Variants in ABCA12 observed in about 807,000 individuals in gnomAD.
The protein encoded by ABCA12 is glucosylceramide transporter ABCA12.
A neutral mutation model predicts 293.5 loss-of-function variants in ABCA12; 156 were observed. That is an observed-to-expected ratio of 0.53 (90% CI 0.47 to 0.61). ABCA12 has a LOEUF of 0.61. Among genes scored for constraint, ABCA12 ranks in the 20% least tolerant of loss-of-function variants. The probability of loss-of-function intolerance (pLI) is 0.00; values close to 1 mark genes in which losing one functional copy is unlikely to be tolerated. For synonymous variants in ABCA12, 1,063 were observed against 1,108.0 expected, an observed-to-expected ratio of 0.96 and a Z score of 0.81; for missense variants, 2,797 against 3,090.2, an observed-to-expected ratio of 0.91 and a Z score of 2.25.
At chr2:215,115,652 T>C (rs1186845528) in intron 1 of ABCA12, among the ~76,000 whole-genome samples, 1 of 152,180 alleles carries the variant, frequency 6.6e-6, no homozygotes, top group Non-Finnish European at 1.5e-5. Context: ...TATGATTCCT[T>C]AGTGGGCCAG....
intron 14 of ABCA12, 118 bp downstream of exon 14, chr2:215,017,890 A>G: frequency 6.9e-7 from 1 of 1,446,810 alleles, no homozygotes; most frequent in South Asian, 1.2e-5. Flanking sequence ...ACTTGCATAG[A>G]AAATTCACCA....
At chr2:214,990,282 T>C (rs1199476951) in intron 24 of ABCA12, among the ~76,000 whole-genome samples, 2 of 152,222 alleles carry the variant, frequency 1.3e-5, no homozygotes, top group Non-Finnish European at 2.9e-5. Flanking sequence ...GTTGCTTATA[T>C]GCTGTTGGTG....
At chr2:214,956,191 G>T (rs1244550873) in intron 42 of ABCA12, among the ~76,000 whole-genome samples, 1 of 152,174 alleles carries the variant, frequency 6.6e-6, no homozygotes. Flanking sequence ...GATTATATCA[G>T]CCTGTGTTAC....
At chr2:214,993,883 C>A (rs879642906) in intron 23 of ABCA12, among the ~76,000 whole-genome samples, 2 of 152,146 alleles carry the variant, frequency 1.3e-5, no homozygotes, top group South Asian at 2.1e-4. Context: ...CAGGCTTGAA[C>A]ACCAGGACTA....
intron 46 of ABCA12, 98 bp downstream of exon 46, chr2:214,948,942 A>ATG: frequency 7.9e-7 from 1 of 1,259,918 alleles, no homozygotes; most frequent in East Asian, 2.4e-5. Context: ...CTAAGGACTG[A>ATG]ATAATATAAC....
chr2:215,097,589 G>A (rs993353121), intron 2 of ABCA12, among the ~76,000 whole-genome samples: 9 of 152,272 alleles, frequency 5.9e-5, no homozygotes, highest in African/African-American at 2.2e-4. Flanking sequence ...AATCACGGCT[G>A]TAATACATTG....
chr2:215,028,663 G>C (rs1313887979), intron 9 of ABCA12, among the ~76,000 whole-genome samples: 2 of 152,166 alleles, frequency 1.3e-5, no homozygotes, highest in Non-Finnish European at 2.9e-5. Flanking sequence ...ATCTATTAGG[G>C]AAATTTCTAA....
intron 27 of ABCA12, among the ~76,000 whole-genome samples, chr2:214,986,992 C>G (rs772783972): frequency 6.6e-6 from 1 of 152,010 alleles, no homozygotes; most frequent in South Asian, 2.1e-4. Flanking sequence ...ATAAATTCTC[C>G]TTTATTCAAC....
At position 215,015,493 on chromosome 2, in the gene ABCA12, G is replaced by A. The variant is rs1178765772; in HGVS notation, c.1953C>T (p.Tyr651=). ...TATTTAACCAACAGCAACTTGCCTT[G>A]TATGTGAAGTTGTAAATGTTTAAGT... The part of the protein sequence containing the change: ...LHYLNIYNFT[Y]KVFFPRKDQK... Residue 651 remains tyrosine, a synonymous_variant, in exon 15 of 53, where the codon TAC becomes TAT. Coordinates refer to ENST00000272895, the MANE Select transcript of ABCA12 (RefSeq NM_173076.3). 6.2e-7 allele frequency: 1 copy of A among 1,613,492 alleles called. No homozygotes were observed. The highest frequency in any genetic ancestry group is 8.5e-7 in the Non-Finnish European group (1 of 1,179,580).
chr2:214,970,454 A>C (rs1699363050), intron 36 of ABCA12, 54 bp from the exon 37 acceptor site: 1 of 1,599,800 alleles, frequency 6.3e-7, no homozygotes, highest in Non-Finnish European at 8.6e-7. Context: ...GTGCAAGTTA[A>C]ATAGACAATG....
intron 1 of ABCA12, among the ~76,000 whole-genome samples, chr2:215,129,319 G>A (rs1409571298): frequency 2.0e-5 from 3 of 152,156 alleles, no homozygotes; most frequent in African/African-American, 7.2e-5. Flanking sequence ...GTCTGTGTCT[G>A]ATCTCAGGTC....
At chr2:214,949,638 C>T (rs1275604095) in intron 45 of ABCA12, among the ~76,000 whole-genome samples, 1 of 152,170 alleles carries the variant, frequency 6.6e-6, no homozygotes, top group Non-Finnish European at 1.5e-5. Flanking sequence ...GCCAGATTTG[C>T]TTTCTCTTTT....
chr2:214,978,577 T>C, intron 32 of ABCA12, 111 bp from the exon 33 acceptor site: 5 of 1,364,794 alleles, frequency 3.7e-6, no homozygotes, highest in Non-Finnish European at 5.1e-6. Flanking sequence ...GACAAATTTT[T>C]CCCGTCTGAC....
chr2:215,094,706 A>G (rs528317653), intron 2 of ABCA12, among the ~76,000 whole-genome samples: 176 of 152,194 alleles, frequency 1.2e-3, no homozygotes, highest in African/African-American at 3.9e-3. Flanking sequence ...ACTCAGCCCC[A>G]TGAATAGCAG....
chr2:215,041,024 G>C (rs763117696), intron 7 of ABCA12, among the ~76,000 whole-genome samples: 2 of 152,068 alleles, frequency 1.3e-5, no homozygotes, highest in Admixed American at 6.6e-5. Context: ...GTAAATAAAA[G>C]TATATTAAAT....
At chr2:215,020,970 C>T (rs1410302550) in intron 11 of ABCA12, among the ~76,000 whole-genome samples, 2 of 151,668 alleles carry the variant, frequency 1.3e-5, no homozygotes, top group African/African-American at 2.4e-5. Context: ...CTTAGCCTCT[C>T]GAGTAAGTAG....
intron 2 of ABCA12, among the ~76,000 whole-genome samples, chr2:215,086,203 T>C (rs1400034531): frequency 6.6e-6 from 1 of 152,204 alleles, no homozygotes; most frequent in African/African-American, 2.4e-5. Flanking sequence ...CCAGATACAA[T>C]GGGTTAAGTA....
chr2:215,000,984 T>A lies in ABCA12; in HGVS notation c.2900A>T (p.His967Leu). ...GACATTTCCAGAGTCATAGCCTCTG[T>A]GCCAGCTTCTGTTAGAAGGAAGCTT... is the stretch of plus-strand genomic sequence containing the variant. ...IFKLPSNRSW[H>L]RGYDSGNVFL... Residue 967 changes from histidine (H) to leucine (L), a missense_variant, in exon 22 of 53, where the codon CAC (histidine) becomes CTC (leucine). Physicochemically the swap from His to Leu is moderately conservative, Grantham distance 99. Coordinates refer to ENST00000272895, the MANE Select transcript of ABCA12 (RefSeq NM_173076.3). 1 of 1,614,034 alleles carries A rather than the reference T, an allele frequency of 6.2e-7. No homozygotes were observed. The highest frequency in any genetic ancestry group is 8.5e-7 in the Non-Finnish European group (1 of 1,179,934).
rs140864390 is a variant in ABCA12 at position 215,034,382 on chromosome 2, T to C, written c.986-2486A>G. ...CGTCAGGGTGGATCAGAGATAAACA[T>C]GGTGTGAGGAAAGTGGGTAGAAATC... is the stretch of plus-strand genomic sequence containing the variant. On this transcript the variant is annotated intron_variant, in intron 8 of 52. Transcript: ENST00000272895. Among the ~76,000 whole-genome samples the C allele has an allele frequency of 5.9e-4, 90 of 152,124 alleles. No homozygotes were observed. In the Middle Eastern group the frequency reaches 0.017, roughly 29 times the overall value.
Sources: allele counts gnomAD v4.1 joint callset (sites outside exome capture counted in the v4.1 genomes callset), GRCh38; gene constraint gnomAD v4.1.1; transcripts MANE v1.5; gene names NCBI Gene and HGNC (gene_info 2026-07-23, HGNC 2026-07-21).